Variants in ZHX2 observed in about 807,000 individuals in gnomAD.
ZHX2 encodes zinc fingers and homeoboxes protein 2.
ZHX2 carries 6 observed loss-of-function variants against 21.9 expected under a neutral mutation model. That is an observed-to-expected ratio of 0.27 (90% CI 0.15 to 0.54). The LOEUF (loss-of-function observed/expected upper bound fraction) is 0.54, where lower values mean the gene tolerates loss of function less well. Among genes scored for constraint, ZHX2 ranks in the 20% least tolerant of loss-of-function variants. ZHX2 has a pLI of 0.95. For synonymous variants in ZHX2, 434 were observed against 437.1 expected (o/e 0.99, Z 0.09); for missense variants, 908 against 1,090.7 (o/e 0.83, Z 2.36).
chr8:122,814,165 A>C (rs1467714278), intron 1 of ZHX2, among the ~76,000 whole-genome samples: 2 of 152,230 alleles, frequency 1.3e-5, no homozygotes, highest in Non-Finnish European at 2.9e-5. Flanking sequence ...AGATCATGAA[A>C]GCCCACATGC....
intron 2 of ZHX2, among the ~76,000 whole-genome samples, chr8:122,868,136 C>T (rs1184275105): frequency 6.6e-6 from 1 of 152,160 alleles, no homozygotes; most frequent in Non-Finnish European, 1.5e-5. Context: ...TTCGGCTATT[C>T]CACATCTTTC....
At chr8:122,818,672 G>A (rs1011976584) in intron 1 of ZHX2, among the ~76,000 whole-genome samples, 9 of 152,318 alleles carry the variant, frequency 5.9e-5, no homozygotes, top group African/African-American at 1.2e-4. Flanking sequence ...TGTGTCTTAC[G>A]ATGAAACTTG....
At chr8:122,917,038 C>T (rs543457449) in intron 2 of ZHX2, among the ~76,000 whole-genome samples, 3 of 152,314 alleles carry the variant, frequency 2.0e-5, no homozygotes, top group South Asian at 2.1e-4. Flanking sequence ...CAGTCCCCCC[C>T]ACCAGGCAGC....
At chr8:122,876,228 AC>A (rs1282140197) in intron 2 of ZHX2, among the ~76,000 whole-genome samples, 1 of 152,036 alleles carries the variant, frequency 6.6e-6, no homozygotes, top group Non-Finnish European at 1.5e-5. Flanking sequence ...ACTGGGGCAA[AC>A]CCCAAGTGCC....
chr8:122,803,135 G>A (rs1393848029), intron 1 of ZHX2, among the ~76,000 whole-genome samples: 1 of 152,108 alleles, frequency 6.6e-6, no homozygotes, highest in Non-Finnish European at 1.5e-5. Context: ...GAACGAGGGT[G>A]GGGACTCAAG....
chr8:122,952,921 CG>C lies in ZHX2; in HGVS notation c.1413del (p.Leu472SerfsTer4). 1 of 1,614,128 alleles carries C rather than the reference CG, an allele frequency of 6.2e-7. No individual in the cohort carries two copies. Among genetic ancestry groups the C allele is most frequent in the Non-Finnish European group, 8.5e-7 (1 of 1,180,026 alleles). ...GTTCCCTGACGATGCCGAGGTTTAC[CG>C]GCTCATCGAGGTGACTGGCCTTGCC... ...SQFPDDAEVY[R>X]LIEVTGLARS... On this transcript the variant is annotated frameshift_variant, in exon 3 of 4. Transcript: ENST00000314393. LOFTEE classifies it low-confidence loss of function (END_TRUNC). This position sits in a 1 kb window ranked among gnomAD's most constrained non-coding sequence, Gnocchi z 6.9.
chr8:122,897,454 G>C (rs986856961), intron 2 of ZHX2, among the ~76,000 whole-genome samples: 1 of 152,156 alleles, frequency 6.6e-6, no homozygotes, highest in Non-Finnish European at 1.5e-5. Flanking sequence ...TGAAAGTCAA[G>C]TCTAATTGTT....
At chr8:122,838,425 GT>G (rs1157934992) in intron 1 of ZHX2, among the ~76,000 whole-genome samples, 3 of 152,082 alleles carry the variant, frequency 2.0e-5, no homozygotes, top group African/African-American at 7.2e-5. Context: ...CAGTCCCAGC[GT>G]GTTTATACAG....
chr8:122,973,634 T>G lies in ZHX2; in HGVS notation c.*397T>G, dbSNP rs1813785775. ...TTTCAGGAGGGAGGGCTAACCACCT[T>G]GCTTTTCTCTTTTCTCTTTTTCTTT... is the stretch of plus-strand genomic sequence containing the variant. On this transcript the variant is annotated 3_prime_UTR_variant, in exon 4 of 4. Transcript: ENST00000314393. 1 of 152,674 alleles carries G rather than the reference T, an allele frequency of 6.5e-6. No homozygotes were observed. The highest frequency in any genetic ancestry group is 1.5e-5 in the Non-Finnish European group (1 of 68,052). 9.5% of individuals were successfully genotyped at this position (152,674 alleles called of 1,614,324 possible).
At position 122,853,052 on chromosome 8, in the gene ZHX2, C is replaced by G. The variant is rs560687965; in HGVS notation, c.-282-10425C>G. ...GAAATGGAGAAAAAGGTTGAGAAAA[C>G]TGATCTTCCAGTCACATTTACCTCT... On this transcript the variant is annotated intron_variant, in intron 1 of 3. Coordinates refer to ENST00000314393, the MANE Select transcript of ZHX2 (RefSeq NM_014943.5). Among the ~76,000 whole-genome samples, 7 of 152,238 alleles carry G rather than the reference C, an allele frequency of 4.6e-5. No homozygotes were observed. The South Asian group carries it at 1.4e-3, about 32-fold the overall frequency.
intron 1 of ZHX2, among the ~76,000 whole-genome samples, chr8:122,805,322 A>G (rs976447613): frequency 5.9e-5 from 9 of 152,260 alleles, no homozygotes; most frequent in African/African-American, 2.2e-4. Flanking sequence ...AACTCCCATC[A>G]GTCACTGGCC....
At chr8:122,940,486 T>C (rs1431192806) in intron 2 of ZHX2, among the ~76,000 whole-genome samples, 1 of 152,084 alleles carries the variant, frequency 6.6e-6, no homozygotes, top group Non-Finnish European at 1.5e-5. Flanking sequence ...CAGCCTCCTC[T>C]CAGGGCCCCG....
intron 1 of ZHX2, among the ~76,000 whole-genome samples, chr8:122,806,634 G>A (rs1054683741): frequency 2.6e-5 from 4 of 152,212 alleles, no homozygotes; most frequent in African/African-American, 9.7e-5. Flanking sequence ...CACAACAGCT[G>A]AAAGTCCGAC....
chr8:122,866,633 T>C lies in ZHX2; in HGVS notation c.-220+3094T>C, dbSNP rs75246154. On this transcript the variant is annotated intron_variant, in intron 2 of 3. Coordinates refer to ENST00000314393, the MANE Select transcript of ZHX2 (RefSeq NM_014943.5). ...AGGTGGCCACAGCCTCACTTCCAAT[T>C]TGGGTGGGAAGACAGATGGCATGAG... 2.6e-3 allele frequency among the ~76,000 whole-genome samples: 397 copies of C among 152,082 alleles called. 1 individual carries two copies. The highest frequency in any genetic ancestry group is 9.2e-3 in the African/African-American group (382 of 41,498).
chr8:122,812,531 A>G (rs1817953250), intron 1 of ZHX2, among the ~76,000 whole-genome samples: 1 of 152,210 alleles, frequency 6.6e-6, no homozygotes, highest in South Asian at 2.1e-4. Context: ...TTCTTGGTCC[A>G]GAACCCTTTC....
chr8:122,876,905 G>A (rs1316230247), intron 2 of ZHX2, among the ~76,000 whole-genome samples: 1 of 152,194 alleles, frequency 6.6e-6, no homozygotes, highest in Non-Finnish European at 1.5e-5. Context: ...GGGGACCCAA[G>A]CCTCTGCCCT....
At chr8:122,806,356 A>G (rs1036751261) in intron 1 of ZHX2, among the ~76,000 whole-genome samples, 19 of 152,238 alleles carry the variant, frequency 1.2e-4, no homozygotes, top group Non-Finnish European at 2.2e-4. Flanking sequence ...TAGAGCCACT[A>G]GAAAAGCAAG....
chr8:122,916,455 A>G (rs1563582099), intron 2 of ZHX2, among the ~76,000 whole-genome samples: 1 of 152,120 alleles, frequency 6.6e-6, no homozygotes, highest in Non-Finnish European at 1.5e-5. Flanking sequence ...ACTTCAATCC[A>G]GTGGAGAGGG....
intron 2 of ZHX2, among the ~76,000 whole-genome samples, chr8:122,866,404 A>T (rs1819298204): frequency 6.6e-6 from 1 of 152,174 alleles, no homozygotes; most frequent in African/African-American, 2.4e-5. Flanking sequence ...TACATTTCTT[A>T]CGTGAGTGGT....
Sources: allele counts gnomAD v4.1 joint callset (sites outside exome capture counted in the v4.1 genomes callset), GRCh38; gene constraint gnomAD v4.1.1; non-coding constraint Gnocchi (gnomAD v3.1); transcripts MANE v1.5; gene names NCBI Gene and HGNC (gene_info 2026-07-23, HGNC 2026-07-21).